RASAL1: variants seen among roughly 807,000 people sequenced by gnomAD.
The protein encoded by RASAL1 is RAS protein activator like 1.
In RASAL1, 72 loss-of-function variants were observed where a neutral mutation model predicts 96.6. The ratio of observed to expected loss-of-function variants is 0.75; its 90% CI spans 0.62 to 0.91. The LOEUF is 0.91. Among genes scored for constraint, RASAL1 ranks in the 40% least tolerant of loss-of-function variants. The probability of loss-of-function intolerance (pLI) is 0.00; values close to 1 mark genes in which losing one functional copy is unlikely to be tolerated. For missense variants in RASAL1, 1,016 were observed against 1,072.5 expected (o/e 0.95, Z 0.74); for synonymous variants, 405 against 430.4 (o/e 0.94, Z 0.73).
At chr12:113,116,737 T>A (rs1951102577) in intron 8 of RASAL1, among the ~76,000 whole-genome samples, 1 of 152,084 alleles carries the variant, frequency 6.6e-6, no homozygotes, top group Non-Finnish European at 1.5e-5. Context: ...TGTGAAATGA[T>A]ATTGATGGGT....
Position 113,115,565 on chromosome 12 carries a change from C to G in RASAL1, c.1003+70G>C, listed in dbSNP as rs539861292. The G allele has an allele frequency of 4.5e-6, 7 of 1,558,688 alleles. No individual in the cohort carries two copies. In the South Asian group the frequency reaches 7.2e-5, roughly 16 times the overall value. ...TCCCTCTGCCTGAGGCCTCCCCATT[C>G]CTCCCCCAGGACCCTCCTGCAAGCC... On this transcript the variant is annotated intron_variant, in intron 10 of 20. Coordinates refer to ENST00000548055, the MANE Select transcript of RASAL1 (RefSeq NM_001301202.2). The surrounding 1 kb of genome is among the most constrained non-coding windows in gnomAD (Gnocchi z 4.1).
chr12:113,100,049 C>T lies in RASAL1; in HGVS notation c.2298G>A (p.Leu766=). 6.2e-7 allele frequency: 1 copy of T among 1,610,274 alleles called. No individual in the cohort carries two copies. Among genetic ancestry groups the T allele is most frequent in the Non-Finnish European group, 8.5e-7 (1 of 1,178,018 alleles). Residue 766 remains leucine, a synonymous_variant, in exon 21 of 21, where the codon CTG becomes CTA. Coordinates refer to ENST00000548055, the MANE Select transcript of RASAL1 (RefSeq NM_001301202.2). ...EADTGACPEV[L]ARQRAATARL... ...GGGCAGTTGCTGCTCTTTGCCGGGC[C>T]AGGACCTCAGGACAGGCCCCTAGGA...
Position 113,115,689 on chromosome 12 carries a change from C to T in RASAL1, c.949G>A (p.Gly317Arg). Residue 317 changes from glycine (G) to arginine (R), a missense_variant, in exon 10 of 21, where the codon GGA becomes AGA. Physicochemically the swap from Gly to Arg is moderately radical, Grantham distance 125. Coordinates refer to ENST00000548055, the MANE Select transcript of RASAL1 (RefSeq NM_001301202.2). The surrounding 1 kb of genome is among the most constrained non-coding windows in gnomAD (Gnocchi z 4.1). ...TAGTCCAGAAAGCGCCCAGCCAGTC[C>T]CCGGCCAAGAAAGAGTTTCACCAGC... ...TKLVKLFLGR[G>R]LAGRFLDYLT... is the part of the protein sequence containing the mutation. 1.2e-6 allele frequency: 2 copies of T among 1,614,064 alleles called. No homozygotes were observed. Among genetic ancestry groups the T allele is most frequent in the Non-Finnish European group, 1.7e-6 (2 of 1,179,996 alleles).
chr12:113,105,372 A>G (rs1240845530), intron 16 of RASAL1, among the ~76,000 whole-genome samples: 1 of 152,254 alleles, frequency 6.6e-6, no homozygotes, highest in East Asian at 1.9e-4. Flanking sequence ...GAACACATTC[A>G]ATTTTATGAG....
At position 113,105,758 on chromosome 12, in the gene RASAL1, G is replaced by C. The variant is rs374068325; in HGVS notation, c.1786C>G (p.Leu596Val). The C allele has an allele frequency of 1.5e-5, 25 of 1,613,678 alleles. No homozygotes were observed. The highest frequency in any genetic ancestry group is 2.1e-5 in the Non-Finnish European group (25 of 1,179,764). The change falls in exon 16 of 21, where the codon CTC (leucine) becomes GTC (valine). Residue 596 changes from leucine (L) to valine (V), a missense_variant. Leu to Val is a conservative substitution (Grantham distance 32). Coordinates refer to ENST00000548055, the MANE Select transcript of RASAL1 (RefSeq NM_001301202.2). ...GAGAAGGAGAGGGTCTCCCCGCTGA[G>C]CCAGACGTAGCGCTTCTTGAAGGCA... ...RFAFKKRYVW[L>V]SGETLSFSKS...
chr12:113,128,041 A>C, intron 3 of RASAL1, 24 bp downstream of exon 3: 2 of 1,609,990 alleles, frequency 1.2e-6, no homozygotes, highest in Non-Finnish European at 1.7e-6. Context: ...TAACCCACAC[A>C]TTCCACTTTC....
In RASAL1 at chr12:113,110,910, G is replaced by A. The variant is rs971287121; in HGVS notation, c.1374+1176C>T. On this transcript the variant is annotated intron_variant, in intron 13 of 20. Coordinates refer to ENST00000548055, the MANE Select transcript of RASAL1 (RefSeq NM_001301202.2). ...AGCCTGAGCAACAGAGCAAGACCCC[G>A]TCTCAAAAGTTAGTAATAAGTAAAT... 2.9e-4 allele frequency among the ~76,000 whole-genome samples: 44 copies of A among 152,160 alleles called. 1 individual carries two copies. Among genetic ancestry groups the A allele is most frequent in the Admixed American group, 3.3e-4 (5 of 15,272 alleles).
At chr12:113,120,522 G>A (rs1308073482) in intron 5 of RASAL1, among the ~76,000 whole-genome samples, 1 of 152,212 alleles carries the variant, frequency 6.6e-6, no homozygotes, top group Non-Finnish European at 1.5e-5. Flanking sequence ...CTGGAAATTG[G>A]AGGTCCTCCC....
intron 4 of RASAL1, among the ~76,000 whole-genome samples, chr12:113,122,807 C>A (rs1951345787): frequency 6.6e-6 from 1 of 152,048 alleles, no homozygotes; most frequent in African/African-American, 2.4e-5. Flanking sequence ...AAATTATTTC[C>A]TCTTCCCAAT....
chr12:113,135,654 C>G lies in RASAL1; in HGVS notation c.-192G>C. ...GGTGTAGGTGCCCGGGGAGGGAGCG[C>G]CCGTCCGGACTCTACAGGTAGGAGC... On this transcript the variant is annotated 5_prime_UTR_variant, in exon 1 of 21. Coordinates refer to ENST00000548055, the MANE Select transcript of RASAL1 (RefSeq NM_001301202.2). The surrounding 1 kb of genome is among the most constrained non-coding windows in gnomAD (Gnocchi z 5.7). 1 of 585,548 alleles carries G rather than the reference C, an allele frequency of 1.7e-6. No individual in the cohort carries two copies. Among genetic ancestry groups the G allele is most frequent in the Non-Finnish European group, 3.1e-6 (1 of 325,986 alleles). The allele number at this position is 585,548 out of a possible 1,614,324, so 36.3% of individuals were successfully genotyped here.
At chr12:113,105,955 C>A in intron 15 of RASAL1, 69 bp from the exon 16 acceptor site, 1 of 1,498,032 alleles carries the variant, frequency 6.7e-7, no homozygotes, top group Non-Finnish European at 9.1e-7. Flanking sequence ...GCTCCACTAG[C>A]ATGCCCAGGG....
rs60464860 is a variant in RASAL1 at position 113,126,728 on chromosome 12, A to AC, written c.298+1083_298+1084insG. On this transcript the variant is annotated intron_variant, in intron 4 of 20. Coordinates refer to ENST00000548055, the MANE Select transcript of RASAL1 (RefSeq NM_001301202.2). ...CACACACACACACACACACACACAC[A>AC]AAAGGCATAGACTCTGGAACTAGAC... Among the ~76,000 whole-genome samples the AC allele has an allele frequency of 8.0e-5, 12 of 150,816 alleles. No individual in the cohort carries two copies. The East Asian group carries it at 1.8e-3, about 22-fold the overall frequency.
intron 4 of RASAL1, among the ~76,000 whole-genome samples, chr12:113,122,467 A>G (rs1247745976): frequency 6.6e-6 from 1 of 152,066 alleles, no homozygotes; most frequent in Non-Finnish European, 1.5e-5. Context: ...TGGACTACAG[A>G]TGTATACCAC....
rs987345685 is a variant in RASAL1, at chr12:113,115,365, T to G, written c.1004-101A>C. 3 of 1,235,688 alleles carry G rather than the reference T, an allele frequency of 2.4e-6. No individual in the cohort carries two copies. The highest frequency in any genetic ancestry group is 1.2e-5 in the South Asian group (1 of 82,008). 76.5% of individuals were successfully genotyped at this position (1,235,688 alleles called of 1,614,324 possible). A position where few individuals can be genotyped will look rare whatever the true frequency, so the allele number is the denominator to read the frequency against. ...GTCATGATTCTTCCAGCCCCAAGAA[T>G]CAGGAAGACCCAAAACATCAACCCC... On this transcript the variant is annotated intron_variant, in intron 10 of 20. Coordinates refer to ENST00000548055, the MANE Select transcript of RASAL1 (RefSeq NM_001301202.2). This position sits in a 1 kb window ranked among gnomAD's most constrained non-coding sequence, Gnocchi z 4.1.
At chr12:113,128,221 A>T in intron 2 of RASAL1, 43 bp from the exon 3 acceptor site, 1 of 1,285,948 alleles carries the variant, frequency 7.8e-7, no homozygotes, top group Middle Eastern at 1.9e-4. Context: ...CGGGCCACAC[A>T]GGAGGCAGAC....
intron 4 of RASAL1, among the ~76,000 whole-genome samples, chr12:113,123,578 A>G (rs1951373591): frequency 6.6e-6 from 1 of 152,050 alleles, no homozygotes. Flanking sequence ...GTTAGGTTTT[A>G]GCTAATGGTT....
At position 113,135,065 on chromosome 12, in the gene RASAL1, G is replaced by A. The variant is rs1160640157; in HGVS notation, c.65+333C>T. ...GCCTGGACTAAGGAAGAGACCCCCC[G>A]CTTTCTCCCCTCCCAGATCTGACAG... On this transcript the variant is annotated intron_variant, in intron 1 of 20. Coordinates refer to ENST00000548055, the MANE Select transcript of RASAL1 (RefSeq NM_001301202.2). The surrounding 1 kb of genome is among the most constrained non-coding windows in gnomAD (Gnocchi z 5.7). Among the ~76,000 whole-genome samples the A allele has an allele frequency of 2.0e-5, 3 of 148,198 alleles. No individual in the cohort carries two copies. The highest frequency in any genetic ancestry group is 2.2e-4 in the South Asian group (1 of 4,586).
chr12:113,119,317 C>G (rs1951202895), intron 6 of RASAL1, 45 bp downstream of exon 6: 3 of 1,612,888 alleles, frequency 1.9e-6, no homozygotes, highest in Non-Finnish European at 1.7e-6. Flanking sequence ...CCTGCCCCAC[C>G]ACCAAATGCC....
intron 19 of RASAL1, 116 bp from the exon 20 acceptor site, chr12:113,100,796 TCA>T: frequency 1.6e-6 from 1 of 641,186 alleles, no homozygotes; most frequent in Non-Finnish European, 2.8e-6. Context: ...CCATCTACCA[TCA>T]TCATCATCAT....
Sources: allele counts gnomAD v4.1 joint callset (sites outside exome capture counted in the v4.1 genomes callset), GRCh38; gene constraint gnomAD v4.1.1; non-coding constraint Gnocchi (gnomAD v3.1); transcripts MANE v1.5; gene names NCBI Gene and HGNC (gene_info 2026-07-23, HGNC 2026-07-21).